DLG2: variants seen among roughly 807,000 people sequenced by gnomAD.
DLG2 encodes the protein disks large homolog 2.
In DLG2, 45 loss-of-function variants were observed where a neutral mutation model predicts 132.5. The ratio of observed to expected loss-of-function variants is 0.34; its 90% CI spans 0.27 to 0.44. The LOEUF (loss-of-function observed/expected upper bound fraction) is 0.44. Ranked by LOEUF, DLG2 falls within the 20% of genes least tolerant of loss-of-function variation. The pLI, the probability that DLG2 is intolerant of heterozygous loss-of-function variation, is 1.00. For missense variants in DLG2, 1,045 were observed against 1,196.9 expected (o/e 0.87, Z 1.87); for synonymous variants, 424 against 419.6 (o/e 1.01, Z -0.13).
At position 83,698,830 on chromosome 11, in the gene DLG2, G is replaced by A. The variant is rs554119289; in HGVS notation, c.1826-65505C>T. ...CTATGTTACCTTCCAGAGTGTGGTT[G>A]TAAAGTCAGGGTCTGCGGCCAAGAG... On this transcript the variant is annotated intron_variant, in intron 18 of 27. Coordinates refer to ENST00000376104, the MANE Select transcript of DLG2 (RefSeq NM_001142699.3). Among the ~76,000 whole-genome samples the A allele has an allele frequency of 7.2e-5, 11 of 152,270 alleles. No homozygotes were observed. The South Asian group carries it at 1.9e-3, about 26-fold the overall frequency.
chr11:85,119,776 C>T (rs1356244651), intron 5 of DLG2, among the ~76,000 whole-genome samples: 2 of 151,874 alleles, frequency 1.3e-5, no homozygotes, highest in East Asian at 1.9e-4. Context: ...AAAGAAATGC[C>T]ATTCAGAAAC....
At chr11:84,634,899 G>C (rs1473802429) in intron 6 of DLG2, among the ~76,000 whole-genome samples, 1 of 152,162 alleles carries the variant, frequency 6.6e-6, no homozygotes, top group Non-Finnish European at 1.5e-5. Context: ...GGAGCACAAA[G>C]TGGGAAATAC....
chr11:84,234,313 T>G (rs2097131816), intron 8 of DLG2, among the ~76,000 whole-genome samples: 1 of 152,166 alleles, frequency 6.6e-6, no homozygotes. Flanking sequence ...TTAATAAACT[T>G]TCACTCCTGC....
At chr11:84,185,085 C>A (rs533006724) in intron 8 of DLG2, among the ~76,000 whole-genome samples, 2,692 of 152,036 alleles carry the variant, frequency 0.018, 31 homozygotes, top group Middle Eastern at 0.051. Context: ...AACTTTAAAG[C>A]AGTTTTTTCC....
chr11:84,803,663 C>T (rs985664169), intron 6 of DLG2, among the ~76,000 whole-genome samples: 1 of 152,120 alleles, frequency 6.6e-6, no homozygotes, highest in South Asian at 2.1e-4. Flanking sequence ...TATAAATGTG[C>T]CTTTAGGTTT....
intron 6 of DLG2, among the ~76,000 whole-genome samples, chr11:85,086,375 A>C (rs1408914478): frequency 2.0e-5 from 3 of 152,242 alleles, no homozygotes; most frequent in Non-Finnish European, 4.4e-5. Flanking sequence ...CATGGGATGA[A>C]AAACAATAGT....
chr11:85,118,479 G>A (rs1594462670), intron 5 of DLG2, among the ~76,000 whole-genome samples: 1 of 152,056 alleles, frequency 6.6e-6, no homozygotes, highest in Non-Finnish European at 1.5e-5. Context: ...TAACAGTAAT[G>A]AGTGGAATAG....
intron 6 of DLG2, among the ~76,000 whole-genome samples, chr11:84,789,113 G>A (rs2073408149): frequency 1.3e-5 from 2 of 152,128 alleles, no homozygotes; most frequent in African/African-American, 4.8e-5. Flanking sequence ...CTATGCCCTT[G>A]TTTCTGAACT....
At chr11:84,916,348 CAAAA>C (rs11423369) in intron 6 of DLG2, among the ~76,000 whole-genome samples, 13 of 27,942 alleles carry the variant, frequency 4.7e-4, no homozygotes, top group African/African-American at 1.2e-3. Context: ...GACTCCGTCT[CAAAA>C]AAAAAAAAAA....
intron 4 of DLG2, among the ~76,000 whole-genome samples, chr11:85,225,767 T>C (rs2152625976): frequency 6.6e-6 from 1 of 152,228 alleles, no homozygotes; most frequent in South Asian, 2.1e-4. Flanking sequence ...CAAACATCCC[T>C]ATAGCTTCTT....
At chr11:84,331,669 A>G (rs1324361870) in intron 7 of DLG2, among the ~76,000 whole-genome samples, 1 of 151,896 alleles carries the variant, frequency 6.6e-6, no homozygotes. Flanking sequence ...GAGAAGGCCA[A>G]GCAGAAATGC....
chr11:84,870,931 T>C (rs1234628075), intron 6 of DLG2, among the ~76,000 whole-genome samples: 1 of 152,240 alleles, frequency 6.6e-6, no homozygotes, highest in South Asian at 2.1e-4. Flanking sequence ...GAATCTATTA[T>C]GTAAAAGAAC....
chr11:83,831,093 T>C (rs925685820), intron 17 of DLG2, among the ~76,000 whole-genome samples: 3 of 152,210 alleles, frequency 2.0e-5, no homozygotes, highest in Admixed American at 1.3e-4. Context: ...TTTGGGAGAC[T>C]GCTATGTGCC....
intron 6 of DLG2, among the ~76,000 whole-genome samples, chr11:84,622,709 A>G (rs995865016): frequency 5.3e-5 from 8 of 152,178 alleles, no homozygotes; most frequent in African/African-American, 1.7e-4. Context: ...AAGAAATGGC[A>G]TAAAGAAAAC....
At chr11:85,033,809 A>C (rs780509650) in intron 6 of DLG2, among the ~76,000 whole-genome samples, 1 of 152,224 alleles carries the variant, frequency 6.6e-6, no homozygotes, top group Non-Finnish European at 1.5e-5. Flanking sequence ...ATCCTCCATG[A>C]TTATCTGATA....
chr11:83,636,208 T>C (rs538531739), intron 18 of DLG2, among the ~76,000 whole-genome samples: 10 of 152,290 alleles, frequency 6.6e-5, no homozygotes, highest in African/African-American at 2.2e-4. Context: ...TGCTACTTCA[T>C]TGCATTCATC....
At chr11:85,167,244 T>C (rs997190392) in intron 4 of DLG2, among the ~76,000 whole-genome samples, 1 of 152,148 alleles carries the variant, frequency 6.6e-6, no homozygotes, top group African/African-American at 2.4e-5. Context: ...CTGAGTCAGA[T>C]CCCAGTTGTA....
intron 15 of DLG2, among the ~76,000 whole-genome samples, chr11:83,901,218 T>C (rs2086742): frequency 0.42 from 63,725 of 152,064 alleles, 13,773 homozygotes; most frequent in South Asian, 0.6. Context: ...TGCCTTGTCT[T>C]AGATGAGACT....
intron 4 of DLG2, among the ~76,000 whole-genome samples, chr11:85,173,407 TCAGACAAG>T (rs1184930505): frequency 6.6e-6 from 1 of 152,152 alleles, no homozygotes; most frequent in Non-Finnish European, 1.5e-5. Flanking sequence ...AAGATTCTTC[TCAGACAAG>T]CAAATGCTGA....
Sources: gnomAD v4.1 joint callset for allele counts (sites outside exome capture counted in the v4.1 genomes callset) on GRCh38, gnomAD v4.1.1 for gene constraint, MANE v1.5 for transcripts, NCBI Gene and HGNC (gene_info 2026-07-23, HGNC 2026-07-21) for gene names.